Variants in PTPN21 observed in about 807,000 individuals in gnomAD.
PTPN21 encodes tyrosine-protein phosphatase non-receptor type 21.
Under a neutral mutation model 131.8 loss-of-function variants are expected in PTPN21, and 77 were observed. The observed-to-expected ratio is 0.58, with a 90% CI of 0.49 to 0.71. PTPN21 has a LOEUF of 0.71. PTPN21 is among the 30% of genes least tolerant of loss of function. The pLI, the probability that PTPN21 is intolerant of heterozygous loss-of-function variation, is 0.00. For missense variants in PTPN21, 1,552 were observed against 1,527.1 expected (o/e 1.02, Z -0.27); for synonymous variants, 715 against 621.3 (o/e 1.15, Z -2.24).
intron 12 of PTPN21, among the ~76,000 whole-genome samples, chr14:88,482,412 G>T (rs1050590555): frequency 6.6e-6 from 1 of 152,036 alleles, no homozygotes; most frequent in Non-Finnish European, 1.5e-5. Context: ...ATCACCCAAG[G>T]TCGGGAGTTT....
In PTPN21 at chr14:88,481,345, T is replaced by C. The variant is rs1449327497; in HGVS notation, c.1079-993A>G. On this transcript the variant is annotated intron_variant, in intron 12 of 18. Transcript: ENST00000556564. ...CTTCTGCTGACACACAGCACTTCCA[T>C]GTCACTGTGCTTTCCTCATTTATGC... Among the ~76,000 whole-genome samples the C allele has an allele frequency of 3.3e-5, 5 of 152,310 alleles. No individual in the cohort carries two copies. The East Asian group carries it at 7.7e-4, about 24-fold the overall frequency.
At chr14:88,489,045 T>G (rs1362929704) in intron 10 of PTPN21, among the ~76,000 whole-genome samples, 2 of 152,224 alleles carry the variant, frequency 1.3e-5, no homozygotes, top group East Asian at 3.9e-4. Context: ...AGAACCGGCA[T>G]TTGAACCAGC....
At position 88,480,144 on chromosome 14, in the gene PTPN21, A is replaced by G; in HGVS notation, c.1287T>C (p.Pro429=). ...PSITGSDVMR[P]DYLPSHRHSA... ...TGTGCCGATGGGACGGGAGGTAGTCAGGCCTCATGACGTCACTCCCGGTGA... is the reference window on the plus strand; with the variant it reads ...TGTGCCGATGGGACGGGAGGTAGTCGGGCCTCATGACGTCACTCCCGGTGA... The change falls in exon 13 of 19, where the codon CCT becomes CCC. Residue 429 remains proline (P), a synonymous_variant. Transcript: ENST00000556564. 1 of 1,614,124 alleles carries G rather than the reference A, an allele frequency of 6.2e-7. No individual in the cohort carries two copies. Among genetic ancestry groups the G allele is most frequent in the Non-Finnish European group, 8.5e-7 (1 of 1,180,008 alleles).
At chr14:88,539,536 C>T (rs1466406525) in intron 2 of PTPN21, among the ~76,000 whole-genome samples, 1 of 152,178 alleles carries the variant, frequency 6.6e-6, no homozygotes, top group Non-Finnish European at 1.5e-5. Flanking sequence ...ACATGAGCCA[C>T]CACGCCTGGC....
intron 2 of PTPN21, among the ~76,000 whole-genome samples, chr14:88,537,239 G>T (rs1352120586): frequency 6.6e-6 from 1 of 152,062 alleles, no homozygotes; most frequent in East Asian, 1.9e-4. Flanking sequence ...GATTTTTGTT[G>T]TTGCTGTAGC....
At position 88,466,691 on chromosome 14, in the gene PTPN21, C is replaced by T. The variant is rs531611404; in HGVS notation, c.*1446G>A. ...GAGATGACACTCTCCCCCTGTAACT[C>T]AGCCTGGCTCTGTCTATTGGGATGT... On this transcript the variant is annotated 3_prime_UTR_variant, in exon 19 of 19. Coordinates refer to ENST00000556564, the MANE Select transcript of PTPN21 (RefSeq NM_007039.4). 75 of 152,326 alleles carry T rather than the reference C, an allele frequency of 4.9e-4. No individual in the cohort carries two copies. The highest frequency in any genetic ancestry group is 1.7e-3 in the African/African-American group (69 of 41,574). The allele number at this position is 152,326 out of a possible 1,614,324, so 9.4% of individuals were successfully genotyped here. A position where few individuals can be genotyped will look rare whatever the true frequency, so the allele number is the denominator to read the frequency against.
chr14:88,508,146 G>GTT, intron 3 of PTPN21, 126 bp from the exon 4 acceptor site: 3 of 436,546 alleles, frequency 6.9e-6, no homozygotes, highest in South Asian at 7.2e-5. Flanking sequence ...ACATGGTTGT[G>GTT]TGTGTTTTTT....
intron 2 of PTPN21, among the ~76,000 whole-genome samples, chr14:88,524,789 C>A (rs2078449612): frequency 6.6e-6 from 1 of 151,988 alleles, no homozygotes; most frequent in Non-Finnish European, 1.5e-5. Flanking sequence ...CCTGTAGTCC[C>A]AGCTACTCAA....
In PTPN21 at chr14:88,472,598, G is replaced by A. The variant is rs952349845; in HGVS notation, c.2650-133C>T. The A allele has an allele frequency of 2.9e-4, 187 of 637,384 alleles. 1 individual carries two copies. Among genetic ancestry groups the A allele is most frequent in the South Asian group, 1.4e-4 (7 of 49,638 alleles). The allele number at this position is 637,384 out of a possible 1,614,324, so 39.5% of individuals were successfully genotyped here. On this transcript the variant is annotated intron_variant, in intron 14 of 18. Coordinates refer to ENST00000556564, the MANE Select transcript of PTPN21 (RefSeq NM_007039.4). ...ATATTGAAAATTCTAGGTTGGGCACGGTGTCTCATGCCTGTAATCCCTGCA... is the reference window on the plus strand; with the variant it reads ...ATATTGAAAATTCTAGGTTGGGCACAGTGTCTCATGCCTGTAATCCCTGCA...
intron 2 of PTPN21, among the ~76,000 whole-genome samples, chr14:88,544,497 C>G (rs1034416631): frequency 3.3e-5 from 5 of 152,108 alleles, no homozygotes; most frequent in African/African-American, 9.7e-5. Flanking sequence ...ATACCAGGTC[C>G]TTTGCTAAAT....
chr14:88,529,702 T>C (rs2078527192), intron 2 of PTPN21, among the ~76,000 whole-genome samples: 1 of 151,948 alleles, frequency 6.6e-6, no homozygotes, highest in South Asian at 2.1e-4. Flanking sequence ...ATCTTAAAGG[T>C]CAGGTGCAGT....
At chr14:88,476,548 AT>A (rs1037375667) in intron 13 of PTPN21, among the ~76,000 whole-genome samples, 1 of 152,156 alleles carries the variant, frequency 6.6e-6, no homozygotes, top group Admixed American at 6.5e-5. Flanking sequence ...TTCAGGAGGC[AT>A]TTTTTCATGC....
chr14:88,516,284 A>C (rs1298668005), intron 3 of PTPN21, among the ~76,000 whole-genome samples: 2 of 152,154 alleles, frequency 1.3e-5, no homozygotes, highest in Non-Finnish European at 2.9e-5. Context: ...CTCAGGAGGC[A>C]AACAGGATTC....
intron 15 of PTPN21, among the ~76,000 whole-genome samples, chr14:88,471,867 C>CT (rs1278619065): frequency 3.3e-5 from 5 of 151,872 alleles, no homozygotes; most frequent in African/African-American, 9.7e-5. Context: ...GATCATACCA[C>CT]TGCACTCCAC....
At chr14:88,495,013 CAAAAAAAAAAAAAAAAAAA>C (rs386382090) in intron 10 of PTPN21, among the ~76,000 whole-genome samples, 1 of 49,164 alleles carries the variant, frequency 2.0e-5, no homozygotes, top group Non-Finnish European at 3.6e-5. Flanking sequence ...ACTCTGTCTC[CAAAAAAAAAAAAAAAAAAA>C]AAAAAAAGAA....
chr14:88,512,720 C>G (rs2078204935), intron 3 of PTPN21: 1 of 152,180 alleles, frequency 6.6e-6, no homozygotes, highest in Non-Finnish European at 1.5e-5. Context: ...GTAGCTAGTG[C>G]AAGAAAATTT....
intron 2 of PTPN21, among the ~76,000 whole-genome samples, chr14:88,549,750 C>G (rs973091867): frequency 5.9e-5 from 9 of 151,958 alleles, no homozygotes; most frequent in South Asian, 2.1e-4. Context: ...AGGCACCCAC[C>G]ACCACGCCCA....
intron 4 of PTPN21, among the ~76,000 whole-genome samples, chr14:88,507,120 C>A (rs1431218428): frequency 6.6e-6 from 1 of 151,942 alleles, no homozygotes; most frequent in Non-Finnish European, 1.5e-5. Context: ...CCCCAAAAAC[C>A]TATTGAAATA....
chr14:88,516,350 AT>A (rs112671265), intron 3 of PTPN21, among the ~76,000 whole-genome samples: 7,020 of 152,166 alleles, frequency 0.046, 213 homozygotes, highest in South Asian at 0.097. Flanking sequence ...GGCGTGCAGC[AT>A]GTTTCGGGCC....
Sources: allele counts gnomAD v4.1 joint callset (sites outside exome capture counted in the v4.1 genomes callset), GRCh38; gene constraint gnomAD v4.1.1; transcripts MANE v1.5; gene names NCBI Gene and HGNC (gene_info 2026-07-23, HGNC 2026-07-21).